Variants in ADGRL3 observed in about 807,000 individuals in gnomAD.
ADGRL3 encodes the protein adhesion G protein-coupled receptor L3.
ADGRL3 carries 62 observed loss-of-function variants against 153.5 expected under a neutral mutation model. The ratio of observed to expected loss-of-function variants is 0.40; its 90% confidence interval spans 0.33 to 0.50. The LOEUF (loss-of-function observed/expected upper bound fraction) is 0.50. Ranked by LOEUF, ADGRL3 falls within the 20% of genes least tolerant of loss-of-function variation. The pLI, the probability that ADGRL3 is intolerant of heterozygous loss-of-function variation, is 0.47. For missense variants in ADGRL3, 1,641 were observed against 1,859.4 expected (o/e 0.88, Z 2.16); for synonymous variants, 710 against 672.5 (o/e 1.06, Z -0.86).
In ADGRL3 at chr4:61,757,014, C is replaced by T. The variant is rs367611151; in HGVS notation, c.1399+23460C>T. Among the ~76,000 whole-genome samples, 144 of 152,220 alleles carry T rather than the reference C, an allele frequency of 9.5e-4. 3 individuals carry two copies. In the East Asian group the frequency reaches 0.024, roughly 26 times the overall value. ...AAGCTTTTTGGTGTGCTGCTGGATT[C>T]GGTTTGCCAGAATTTTATTGAGGAT... is the stretch of plus-strand genomic sequence containing the variant. On this transcript the variant is annotated intron_variant, in intron 8 of 26. Transcript: ENST00000683033.
At chr4:61,334,310 T>C (rs2151017775) in intron 1 of ADGRL3, among the ~76,000 whole-genome samples, 1 of 152,302 alleles carries the variant, frequency 6.6e-6, no homozygotes, top group Non-Finnish European at 1.5e-5. Flanking sequence ...GGGCATTTGA[T>C]AAGAGGATCT....
At chr4:62,044,363 A>C in intron 24 of ADGRL3, 90 bp from the exon 25 acceptor site, 1 of 864,074 alleles carries the variant, frequency 1.2e-6, no homozygotes, top group Non-Finnish European at 1.9e-6. Context: ...CAAAGGTCTC[A>C]TATAATTATG....
chr4:61,548,474 G>A (rs892988354), intron 4 of ADGRL3, among the ~76,000 whole-genome samples: 1 of 151,970 alleles, frequency 6.6e-6, no homozygotes, highest in African/African-American at 2.4e-5. Flanking sequence ...GTAGTTAAAG[G>A]TCCAATGTCA....
intron 2 of ADGRL3, among the ~76,000 whole-genome samples, chr4:61,399,452 A>G (rs1303987278): frequency 2.0e-5 from 3 of 151,748 alleles, no homozygotes; most frequent in Admixed American, 2.0e-4. Context: ...CAAAATTATT[A>G]AAACAATCCC....
At chr4:61,683,107 G>C (rs907633811) in intron 6 of ADGRL3, among the ~76,000 whole-genome samples, 1 of 124,718 alleles carries the variant, frequency 8.0e-6, no homozygotes, top group African/African-American at 2.8e-5. Context: ...GACCCTTCAA[G>C]AGCTGTATTT....
At chr4:61,692,432 C>T (rs2095556144) in intron 6 of ADGRL3, among the ~76,000 whole-genome samples, 1 of 137,318 alleles carries the variant, frequency 7.3e-6, no homozygotes, top group Non-Finnish European at 1.5e-5. Context: ...TAGTCTCTTT[C>T]TCTCTCTTCC....
chr4:61,655,855 ATGTT>A (rs995578127), intron 5 of ADGRL3, among the ~76,000 whole-genome samples: 5 of 152,168 alleles, frequency 3.3e-5, no homozygotes, highest in African/African-American at 1.2e-4. Flanking sequence ...AACAAATAGA[ATGTT>A]TGTATCTTTA....
chr4:61,392,708 A>AAAAAAAAAAAAAGG (rs1560565678), intron 2 of ADGRL3, among the ~76,000 whole-genome samples: 1 of 92,740 alleles, frequency 1.1e-5, no homozygotes, highest in Non-Finnish European at 2.4e-5. Flanking sequence ...AAAAAAAAAG[A>AAAAAAAAAAAAAGG]AAAAGGAAAA....
chr4:61,757,672 G>T (rs1010352670), intron 8 of ADGRL3, among the ~76,000 whole-genome samples: 56 of 152,182 alleles, frequency 3.7e-4, no homozygotes, highest in African/African-American at 1.3e-3. Flanking sequence ...GCTTTTGAAT[G>T]TGTTTGCTCT....
intron 4 of ADGRL3, among the ~76,000 whole-genome samples, chr4:61,558,777 T>C (rs1038534251): frequency 6.6e-6 from 1 of 152,044 alleles, no homozygotes; most frequent in Non-Finnish European, 1.5e-5. Flanking sequence ...GCAAAATCTC[T>C]TAAAATTCCT....
chr4:61,688,551 T>A (rs947173364), intron 6 of ADGRL3, among the ~76,000 whole-genome samples: 1 of 152,134 alleles, frequency 6.6e-6, no homozygotes, highest in Non-Finnish European at 1.5e-5. Context: ...GATGGCCACA[T>A]TAGAAATGCT....
chr4:61,490,437 C>G (rs147208243), intron 2 of ADGRL3, among the ~76,000 whole-genome samples: 2 of 152,066 alleles, frequency 1.3e-5, no homozygotes, highest in East Asian at 3.9e-4. Flanking sequence ...TTACCATAAC[C>G]CCATGACCAA....
At chr4:61,640,616 G>C (rs2093622755) in intron 5 of ADGRL3, among the ~76,000 whole-genome samples, 1 of 152,074 alleles carries the variant, frequency 6.6e-6, no homozygotes, top group African/African-American at 2.4e-5. Flanking sequence ...TGTGCCAGTG[G>C]TTCTTGGTTC....
chr4:61,921,123 A>T (rs1206965986), intron 13 of ADGRL3, among the ~76,000 whole-genome samples: 1 of 152,006 alleles, frequency 6.6e-6, no homozygotes, highest in African/African-American at 2.4e-5. Flanking sequence ...ATAGTTTGAG[A>T]TTAATCATTT....
intron 2 of ADGRL3, among the ~76,000 whole-genome samples, chr4:61,461,711 C>T (rs1050595604): frequency 6.6e-6 from 1 of 152,090 alleles, no homozygotes; most frequent in African/African-American, 2.4e-5. Flanking sequence ...AAACTCATCA[C>T]ATGAAATATT....
intron 2 of ADGRL3, among the ~76,000 whole-genome samples, chr4:61,470,271 C>A (rs2097932402): frequency 6.6e-6 from 1 of 151,882 alleles, no homozygotes; most frequent in East Asian, 1.9e-4. Context: ...TAGGGAAGGG[C>A]ATTCATTCTT....
intron 19 of ADGRL3, among the ~76,000 whole-genome samples, chr4:61,988,767 G>GA: frequency 6.6e-6 from 1 of 152,286 alleles, no homozygotes; most frequent in East Asian, 1.9e-4. Flanking sequence ...GGAAAAGGGA[G>GA]AGAGCACACT....
chr4:61,290,695 G>GA (rs1439825663), intron 1 of ADGRL3, among the ~76,000 whole-genome samples: 13 of 149,256 alleles, frequency 8.7e-5, no homozygotes, highest in Admixed American at 2.7e-4. Context: ...AGGAGGGAAG[G>GA]AGGGAAGGAG....
At chr4:61,744,254 C>T (rs1053900733) in intron 8 of ADGRL3, among the ~76,000 whole-genome samples, 3 of 152,172 alleles carry the variant, frequency 2.0e-5, no homozygotes, top group Admixed American at 1.3e-4. Flanking sequence ...GGAGGCCTGC[C>T]TGCCTCTGTA....
Sources: allele counts gnomAD v4.1 joint callset (sites outside exome capture counted in the v4.1 genomes callset), GRCh38; gene constraint gnomAD v4.1.1; transcripts MANE v1.5; gene names NCBI Gene and HGNC (gene_info 2026-07-23, HGNC 2026-07-21).